Variants in TBCCD1 observed in about 807,000 individuals in gnomAD.
The protein encoded by TBCCD1 is TBCC domain-containing protein 1.
In TBCCD1, 26 loss-of-function variants were observed where a neutral mutation model predicts 53.4. The observed-to-expected ratio is 0.49, with a 90% CI of 0.36 to 0.68. The LOEUF (loss-of-function observed/expected upper bound fraction) is 0.68. TBCCD1 is among the 30% of genes least tolerant of loss of function. The probability of loss-of-function intolerance (pLI) is 0.00; values close to 1 mark genes in which losing one functional copy is unlikely to be tolerated. For synonymous variants in TBCCD1, 245 were observed against 241.7 expected (o/e 1.01, Z -0.13); for missense variants, 558 against 669.5 (o/e 0.83, Z 1.84).
intron 1 of TBCCD1, among the ~76,000 whole-genome samples, chr3:186,566,389 C>T (rs181367208): frequency 7.9e-4 from 120 of 152,312 alleles, no homozygotes; most frequent in Non-Finnish European, 8.5e-4. Context: ...AAATAACTGA[C>T]ATCAATCGAG....
At chr3:186,561,332 C>T (rs375661289) in intron 2 of TBCCD1, among the ~76,000 whole-genome samples, 61 of 152,186 alleles carry the variant, frequency 4.0e-4, no homozygotes, top group African/African-American at 1.3e-3. Flanking sequence ...AACAGGTATA[C>T]GAAAAGGTGC....
Position 186,554,555 on chromosome 3 carries a change from T to A in TBCCD1, c.1243A>T (p.Thr415Ser). The change falls in exon 6 of 8, where the codon ACT (threonine) becomes TCT (serine). Residue 415 changes from threonine to serine, a missense_variant. By Grantham distance (58) the Thr-to-Ser change is moderately conservative. Transcript: ENST00000338733. Reference sequence around the variant, plus strand: ...TAATGTGTATGAAAAGGGGCAAAAGTTACTGTCTGGTTCCCAGAGAGAATA... The same window carrying A: ...TAATGTGTATGAAAAGGGGCAAAAGATACTGTCTGGTTCCCAGAGAGAATA... ...PLILSGNQTV[T>S]FAPFHTHYPM... The A allele has an allele frequency of 1.2e-6, 2 of 1,614,212 alleles. No homozygotes were observed. Among genetic ancestry groups the A allele is most frequent in the Non-Finnish European group, 1.7e-6 (2 of 1,180,042 alleles).
intron 6 of TBCCD1, 106 bp from the exon 7 acceptor site, chr3:186,551,385 T>C: frequency 8.9e-7 from 1 of 1,128,680 alleles, no homozygotes. Context: ...AAATGATTAA[T>C]TATTTCTTGT....
chr3:186,554,212 T>C (rs1225133588), intron 6 of TBCCD1, 42 bp downstream of exon 6: 1 of 1,599,412 alleles, frequency 6.3e-7, no homozygotes. Flanking sequence ...CTCCATGGAG[T>C]TTCACAAAAA....
chr3:186,557,772 A>C (rs1208980608), intron 3 of TBCCD1, among the ~76,000 whole-genome samples: 1 of 152,216 alleles, frequency 6.6e-6, no homozygotes, highest in African/African-American at 2.4e-5. Context: ...ATTAAAAAGG[A>C]GATTAGAAAA....
intron 5 of TBCCD1, 72 bp from the exon 6 acceptor site, chr3:186,554,823 T>C (rs1714485542): frequency 6.3e-7 from 1 of 1,593,618 alleles, no homozygotes; most frequent in Non-Finnish European, 8.5e-7. Context: ...TATTATTATC[T>C]GATGGCAAAA....
chr3:186,562,084 G>C (rs1578973915), intron 2 of TBCCD1, among the ~76,000 whole-genome samples: 1 of 152,226 alleles, frequency 6.6e-6, no homozygotes, highest in Non-Finnish European at 1.5e-5. Context: ...GCTTATGCCT[G>C]TAATCCCAAC....
intron 1 of TBCCD1, among the ~76,000 whole-genome samples, chr3:186,566,835 G>A (rs1366702786): frequency 2.0e-5 from 3 of 152,174 alleles, no homozygotes; most frequent in Non-Finnish European, 4.4e-5. Flanking sequence ...AGTTAGGCGA[G>A]GAAGACCTCG....
intron 6 of TBCCD1, chr3:186,553,605 T>A (rs1714439514): frequency 6.6e-6 from 1 of 152,246 alleles, no homozygotes; most frequent in African/African-American, 2.4e-5. Flanking sequence ...TTTCCTCACC[T>A]GTAATAAGGT....
Position 186,558,465 on chromosome 3 carries a change from G to A in TBCCD1, c.444C>T (p.Asn148=). ...LIGEEWPSPR[N]KSQSPDLTEK... is the part of the protein sequence containing the mutation. The stretch of plus-strand genomic sequence containing the variant: ...CAGTCAGGTCAGGAGACTGAGATTT[G>A]TTTCTGGGACTGGGCCACTCTTCGC... Residue 148 remains asparagine, a synonymous_variant, in exon 3 of 8, where the codon AAC becomes AAT. Transcript: ENST00000338733. 3 of 1,614,170 alleles carry A rather than the reference G, an allele frequency of 1.9e-6. No homozygotes were observed. Among genetic ancestry groups the A allele is most frequent in the Non-Finnish European group, 2.5e-6 (3 of 1,180,022 alleles).
At chr3:186,558,593 A>G in intron 2 of TBCCD1, 21 bp from the exon 3 acceptor site, 1 of 1,609,732 alleles carries the variant, frequency 6.2e-7, no homozygotes, top group African/African-American at 1.3e-5. Flanking sequence ...AGAAAATAAA[A>G]GATGAATAGA....
At position 186,556,636 on chromosome 3, in the gene TBCCD1, G is replaced by A. The variant is rs762248401; in HGVS notation, c.632C>T (p.Ala211Val). ...SSLVSREAVV[A>V]LSFLIEGTIS... ...TGTACCTTCAATAAGGAAGCTGAGC[G>A]CCACAACAGCTTCTCGAGACACTAG... Residue 211 changes from alanine (A) to valine (V), a missense_variant, in exon 4 of 8, where the codon GCG (alanine) becomes GTG (valine). By Grantham distance (64) the Ala-to-Val change is moderately conservative. Coordinates refer to ENST00000338733, the MANE Select transcript of TBCCD1 (RefSeq NM_018138.5). 38 of 1,614,004 alleles carry A rather than the reference G, an allele frequency of 2.4e-5. No homozygotes were observed. The highest frequency in any genetic ancestry group is 6.7e-5 in the Admixed American group (4 of 60,002).
chr3:186,554,285 G>T lies in TBCCD1; in HGVS notation c.1513C>A (p.Gln505Lys). 6.2e-7 allele frequency: 1 copy of T among 1,613,690 alleles called. No individual in the cohort carries two copies. Among genetic ancestry groups the T allele is most frequent in the Non-Finnish European group, 8.5e-7 (1 of 1,179,930 alleles). ...GQREQKIQIW[Q>K]KTVKEAHLTK... Reference sequence around the variant, plus strand: ...AAATGAGCCTCCTTCACAGTTTTCTGCCAGATCTGTATCTTCTGTTCTCTT... The same window carrying T: ...AAATGAGCCTCCTTCACAGTTTTCTTCCAGATCTGTATCTTCTGTTCTCTT... The change falls in exon 6 of 8, where the codon CAG (glutamine) becomes AAG (lysine). Residue 505 changes from glutamine to lysine, a missense_variant. Coordinates refer to ENST00000338733, the MANE Select transcript of TBCCD1 (RefSeq NM_018138.5).
chr3:186,558,520 T>C lies in TBCCD1; in HGVS notation c.389A>G (p.Asn130Ser). ...CAAAGATGTCCTTAGGGAGACCTTGTTCAACTGTTGAATGTATAAGAAGAG... is the reference window on the plus strand; with the variant it reads ...CAAAGATGTCCTTAGGGAGACCTTGCTCAACTGTTGAATGTATAAGAAGAG... ...FLLFLYIQQL[N>S]KVSLRTSLIG... The change falls in exon 3 of 8, where the codon AAC becomes AGC. Residue 130 changes from asparagine (N) to serine (S), a missense_variant. By Grantham distance (46) the Asn-to-Ser change is conservative (BLOSUM62 1). Coordinates refer to ENST00000338733, the MANE Select transcript of TBCCD1 (RefSeq NM_018138.5). 1 of 1,614,170 alleles carries C rather than the reference T, an allele frequency of 6.2e-7. No homozygotes were observed. Among genetic ancestry groups the C allele is most frequent in the Non-Finnish European group, 8.5e-7 (1 of 1,180,014 alleles).
At chr3:186,559,844 C>T (rs1400133033) in intron 2 of TBCCD1, among the ~76,000 whole-genome samples, 1 of 152,174 alleles carries the variant, frequency 6.6e-6, no homozygotes, top group Non-Finnish European at 1.5e-5. Context: ...AGGATATTGA[C>T]ACCGATACAG....
chr3:186,564,131 A>C lies in TBCCD1; in HGVS notation c.199T>G (p.Leu67Val). Reference sequence around the variant, plus strand: ...TAAAGCCACGCCAGGTCCTTGGCCAACTGCAGCTTCCCACAAGCGATGTGC... The same window carrying C: ...TAAAGCCACGCCAGGTCCTTGGCCACCTGCAGCTTCCCACAAGCGATGTGC... Reference protein sequence around the residue: ...WRHIACGKLQLAKDLAWLYFE... With the variant: ...WRHIACGKLQVAKDLAWLYFE... The change falls in exon 2 of 8, where the codon TTG (leucine) becomes GTG (valine). Residue 67 changes from leucine to valine, a missense_variant. Leu to Val is a conservative substitution (Grantham distance 32). Transcript: ENST00000338733. The C allele has an allele frequency of 2.5e-6, 4 of 1,614,206 alleles. No individual in the cohort carries two copies. In the Middle Eastern group the frequency reaches 6.6e-4, roughly 266 times the overall value.
At chr3:186,570,442 A>T, upstream of TBCCD1, 1 of 484,600 alleles carries the variant, frequency 2.1e-6, no homozygotes, top group East Asian at 3.3e-5. Flanking sequence ...CGTGTACCTC[A>T]GGTGCCCTCA....
At chr3:186,560,720 T>C (rs1460817269) in intron 2 of TBCCD1, among the ~76,000 whole-genome samples, 2 of 152,206 alleles carry the variant, frequency 1.3e-5, no homozygotes, top group African/African-American at 2.4e-5. Context: ...TACCTTCCCA[T>C]CTTCATGGGA....
At chr3:186,569,308 T>TTTATTTATTTATTTATTTATTTATTTA (rs1553849535), upstream of TBCCD1, among the ~76,000 whole-genome samples, 7 of 150,446 alleles carry the variant, frequency 4.7e-5, no homozygotes, top group African/African-American at 1.2e-4. Context: ...GACTTTTATT[T>TTTATTTATTTATTTATTTATTTATTTA]TTTATTTATT....
Sources: gnomAD v4.1 joint callset for allele counts (sites outside exome capture counted in the v4.1 genomes callset) on GRCh38, gnomAD v4.1.1 for gene constraint, MANE v1.5 for transcripts, NCBI Gene and HGNC (gene_info 2026-07-23, HGNC 2026-07-21) for gene names.